The following FBXL17 variants were observed in gnomAD, a reference collection of about 807,000 sequenced individuals.
FBXL17 encodes the protein F-box and leucine rich repeat protein 17, also known as F-box/LRR-repeat protein 17.
A neutral mutation model predicts 66.2 loss-of-function variants in FBXL17; 22 were observed. The observed-to-expected ratio is 0.33, with a 90% confidence interval of 0.24 to 0.47. FBXL17 has a LOEUF of 0.47. Ranked by LOEUF, FBXL17 falls within the 20% of genes least tolerant of loss-of-function variation. The pLI is 1.00. For missense variants in FBXL17, 878 were observed against 948.2 expected (o/e 0.93, Z 0.97); for synonymous variants, 474 against 400.5 (o/e 1.18, Z -2.19).
intron 6 of FBXL17, among the ~76,000 whole-genome samples, chr5:108,025,703 AAAC>A (rs1210177332): frequency 2.3e-4 from 28 of 121,000 alleles, no homozygotes; most frequent in Non-Finnish European, 3.6e-4. Flanking sequence ...ACACACACAC[AAAC>A]ACACACACAC....
chr5:108,183,688 C>T (rs895512942), intron 6 of FBXL17, among the ~76,000 whole-genome samples: 7 of 151,930 alleles, frequency 4.6e-5, no homozygotes, highest in African/African-American at 1.5e-4. Context: ...CACATTGTAC[C>T]CCATAGGCAG....
At chr5:108,076,322 G>A (rs1390536137) in intron 6 of FBXL17, among the ~76,000 whole-genome samples, 2 of 152,144 alleles carry the variant, frequency 1.3e-5, no homozygotes, top group African/African-American at 2.4e-5. Context: ...GAATCAGATT[G>A]TCCAGGCATT....
intron 6 of FBXL17, among the ~76,000 whole-genome samples, chr5:108,069,499 T>C (rs1748249551): frequency 6.6e-6 from 1 of 152,198 alleles, no homozygotes; most frequent in African/African-American, 2.4e-5. Flanking sequence ...AATGTGTTTT[T>C]GTGTATATGC....
intron 7 of FBXL17, among the ~76,000 whole-genome samples, chr5:107,905,070 T>C (rs1289954383): frequency 6.6e-6 from 1 of 152,010 alleles, no homozygotes; most frequent in Non-Finnish European, 1.5e-5. Context: ...TATATATATA[T>C]ATATGGATTG....
intron 7 of FBXL17, among the ~76,000 whole-genome samples, chr5:108,008,438 C>T (rs1754021095): frequency 6.6e-6 from 1 of 152,206 alleles, no homozygotes; most frequent in East Asian, 1.9e-4. Context: ...GTACATTTGC[C>T]TCAACATAAA....
At chr5:108,295,049 A>C (rs1034757340) in intron 4 of FBXL17, among the ~76,000 whole-genome samples, 2 of 151,996 alleles carry the variant, frequency 1.3e-5, no homozygotes, top group Non-Finnish European at 2.9e-5. Flanking sequence ...AGTTATTTAG[A>C]GTGACATTAC....
intron 4 of FBXL17, among the ~76,000 whole-genome samples, chr5:108,300,398 C>T (rs2150177242): frequency 6.6e-6 from 1 of 151,800 alleles, no homozygotes; most frequent in Non-Finnish European, 1.5e-5. Flanking sequence ...TTATTTTTTC[C>T]TCATATTCAA....
chr5:108,147,100 T>C (rs1458079034), intron 6 of FBXL17, among the ~76,000 whole-genome samples: 1 of 152,178 alleles, frequency 6.6e-6, no homozygotes, highest in African/African-American at 2.4e-5. Context: ...CTCATCACTT[T>C]AATCACTTCC....
intron 4 of FBXL17, among the ~76,000 whole-genome samples, chr5:108,282,280 C>G (rs1300037979): frequency 6.6e-6 from 1 of 151,748 alleles, no homozygotes; most frequent in African/African-American, 2.4e-5. Flanking sequence ...AACATACTAG[C>G]AAACCAAATC....
At chr5:108,264,180 A>G (rs1756951177) in intron 4 of FBXL17, among the ~76,000 whole-genome samples, 1 of 129,942 alleles carries the variant, frequency 7.7e-6, no homozygotes, top group Admixed American at 9.2e-5. Context: ...ACGCCACAGC[A>G]CTCCAGCCTG....
At chr5:107,926,331 T>A (rs980681738) in intron 7 of FBXL17, among the ~76,000 whole-genome samples, 1 of 151,582 alleles carries the variant, frequency 6.6e-6, no homozygotes, top group Non-Finnish European at 1.5e-5. Flanking sequence ...GAGGGAGGAG[T>A]GCATTGACAG....
intron 6 of FBXL17, among the ~76,000 whole-genome samples, chr5:108,029,858 G>A (rs368709244): frequency 6.6e-6 from 1 of 151,748 alleles, no homozygotes; most frequent in African/African-American, 2.4e-5. Flanking sequence ...ATTAGAATTC[G>A]AGATTCCAGA....
intron 5 of FBXL17, among the ~76,000 whole-genome samples, chr5:108,195,585 T>C (rs115885397): frequency 0.021 from 3,199 of 152,268 alleles, 118 homozygotes; most frequent in African/African-American, 0.073. Flanking sequence ...CTGGAGGATT[T>C]TGAACAGGAG....
chr5:108,042,527 G>T (rs1173451431), intron 6 of FBXL17, among the ~76,000 whole-genome samples: 1 of 152,116 alleles, frequency 6.6e-6, no homozygotes, highest in Non-Finnish European at 1.5e-5. Flanking sequence ...ATATAATTTG[G>T]GGAGACAGAC....
intron 6 of FBXL17, among the ~76,000 whole-genome samples, chr5:108,126,871 G>A (rs1353039972): frequency 5.3e-5 from 8 of 151,654 alleles, no homozygotes; most frequent in Non-Finnish European, 7.4e-5. Flanking sequence ...GCCATTGAGA[G>A]TCAAAAGAAA....
At chr5:108,377,228 C>G (rs887614119) in intron 1 of FBXL17, among the ~76,000 whole-genome samples, 2 of 152,210 alleles carry the variant, frequency 1.3e-5, no homozygotes, top group East Asian at 3.8e-4. Flanking sequence ...AACCTCAGGT[C>G]TCCCCTACAC....
At chr5:108,129,101 T>C (rs746873358) in intron 6 of FBXL17, among the ~76,000 whole-genome samples, 1 of 152,158 alleles carries the variant, frequency 6.6e-6, no homozygotes, top group Non-Finnish European at 1.5e-5. Context: ...TGACTATCAT[T>C]AGTGGAAAAT....
At chr5:108,210,786 T>C (rs1041208240) in intron 5 of FBXL17, among the ~76,000 whole-genome samples, 5 of 152,214 alleles carry the variant, frequency 3.3e-5, no homozygotes, top group African/African-American at 1.2e-4. Flanking sequence ...ATGTATATTC[T>C]GTTGATTTGG....
intron 2 of FBXL17, 78 bp downstream of exon 2, chr5:108,367,753 C>T: frequency 1.6e-6 from 2 of 1,223,388 alleles, no homozygotes; most frequent in Non-Finnish European, 2.2e-6. Flanking sequence ...AACAAGAAGA[C>T]AGTAAAGATT....
Sources: gnomAD v4.1 joint callset for allele counts (sites outside exome capture counted in the v4.1 genomes callset) on GRCh38, gnomAD v4.1.1 for gene constraint, MANE v1.5 for transcripts, NCBI Gene and HGNC (gene_info 2026-07-23, HGNC 2026-07-21) for gene names.